NSD1: variants seen among roughly 807,000 people sequenced by gnomAD.
NSD1 encodes the protein nuclear receptor binding SET domain protein 1.
NSD1 carries 26 observed loss-of-function variants against 242.7 expected under a neutral mutation model. That is an observed-to-expected ratio of 0.11 (90% CI 0.08 to 0.15). The LOEUF is 0.15. Ranked by LOEUF, NSD1 falls within the 10% of genes least tolerant of loss-of-function variation. The pLI, the probability that NSD1 is intolerant of heterozygous loss-of-function variation, is 1.00. For synonymous variants in NSD1, 1,106 were observed against 1,178.1 expected (o/e 0.94, Z 1.25); for missense variants, 2,495 against 3,272.8 (o/e 0.76, Z 5.80).
At chr5:177,154,004 T>G (rs1757929227) in intron 2 of NSD1, among the ~76,000 whole-genome samples, 1 of 152,108 alleles carries the variant, frequency 6.6e-6, no homozygotes, top group African/African-American at 2.4e-5. Context: ...TGGATGGTGC[T>G]GGCTCAGTCT....
rs534363972 is a variant in NSD1 at position 177,275,065 on chromosome 5, C to T, written c.5622+1281C>T. ...TTCCAAAGACTGATAATCTGAGATG[C>T]TACTTGGAGACTAATTTGACCACCA... On this transcript the variant is annotated intron_variant, in intron 17 of 22. Transcript: ENST00000439151. Among the ~76,000 whole-genome samples the T allele has an allele frequency of 7.9e-4, 120 of 151,150 alleles. 1 individual carries two copies. The East Asian group carries it at 0.01, about 13-fold the overall frequency.
chr5:177,159,348 T>C (rs1475241449), intron 2 of NSD1, among the ~76,000 whole-genome samples: 1 of 149,892 alleles, frequency 6.7e-6, no homozygotes, highest in African/African-American at 2.5e-5. Context: ...GCGGTGGCAG[T>C]ATCTTGGCTC....
chr5:177,185,860 T>TATATATTTATATAATTAATATATATA (rs1491360481), intron 2 of NSD1, among the ~76,000 whole-genome samples: 3 of 87,064 alleles, frequency 3.4e-5, no homozygotes, highest in African/African-American at 5.0e-5. Context: ...TATTATATAT[T>TATATATTTATATAATTAATATATATA]ATATATTTAT....
rs756509852 is a variant in NSD1, at chr5:177,241,738, T to C, written c.4302+1873T>C. ...AAGTGTCCTCTTGTCTGTTTGGGAG[T>C]CTGTCCTGCCATCTGACCTGGCCTA... On this transcript the variant is annotated intron_variant, in intron 8 of 22. Transcript: ENST00000439151. Among the ~76,000 whole-genome samples, 3 of 152,010 alleles carry C rather than the reference T, an allele frequency of 2.0e-5. No homozygotes were observed. The East Asian group carries it at 5.8e-4, about 29-fold the overall frequency.
At chr5:177,293,723 C>G in intron 22 of NSD1, 109 bp from the exon 23 acceptor site, 1 of 1,187,284 alleles carries the variant, frequency 8.4e-7, no homozygotes, top group Admixed American at 1.8e-5. Context: ...GAAGCAGGGA[C>G]AGTGTGAAGG....
At chr5:177,181,062 G>A (rs1458428559) in intron 2 of NSD1, among the ~76,000 whole-genome samples, 1 of 148,048 alleles carries the variant, frequency 6.8e-6, no homozygotes, top group African/African-American at 2.5e-5. Context: ...TTTTTGAGAT[G>A]GAGTCTCCCT....
intron 11 of NSD1, among the ~76,000 whole-genome samples, chr5:177,251,035 C>CA (rs1361371851): frequency 3.3e-5 from 5 of 152,044 alleles, no homozygotes; most frequent in Non-Finnish European, 7.4e-5. Context: ...ACTAGAAATA[C>CA]AAAAATTAGC....
At chr5:177,187,100 C>CTTTT (rs11285630) in intron 2 of NSD1, among the ~76,000 whole-genome samples, 2 of 76,516 alleles carry the variant, frequency 2.6e-5, no homozygotes, top group African/African-American at 1.2e-4. Context: ...TGTGACTTAA[C>CTTTT]TTTTTTTTTT....
At chr5:177,256,350 C>G (rs1302806747) in intron 12 of NSD1, among the ~76,000 whole-genome samples, 1 of 139,762 alleles carries the variant, frequency 7.2e-6, no homozygotes, top group East Asian at 2.2e-4. Flanking sequence ...CTGGTGTGAT[C>G]TCAGCTCAGT....
At chr5:177,261,465 C>T (rs1291441837) in intron 14 of NSD1, among the ~76,000 whole-genome samples, 1 of 151,968 alleles carries the variant, frequency 6.6e-6, no homozygotes, top group Non-Finnish European at 1.5e-5. Context: ...CTTATCATCC[C>T]TGACAACTTG....
intron 3 of NSD1, among the ~76,000 whole-genome samples, chr5:177,196,583 A>G (rs1215890961): frequency 6.6e-6 from 1 of 152,222 alleles, no homozygotes; most frequent in Non-Finnish European, 1.5e-5. Flanking sequence ...TCATCACTGG[A>G]TGGCTGAATA....
rs1760474786 is a variant in NSD1, at chr5:177,299,741, G to A, written c.*4282G>A. 3 of 233,222 alleles carry A rather than the reference G, an allele frequency of 1.3e-5. No homozygotes were observed. Among genetic ancestry groups the A allele is most frequent in the Admixed American group, 5.6e-5 (1 of 17,778 alleles). 14.4% of individuals were successfully genotyped at this position (233,222 alleles called of 1,614,324 possible). On this transcript the variant is annotated 3_prime_UTR_variant, in exon 23 of 23. Coordinates refer to ENST00000439151, the MANE Select transcript of NSD1 (RefSeq NM_022455.5). ...ACATCAGGTTATTGTGGGGCTTCAGGTGTAAGGTCCTGGAAGTTCAGCAAA... is the reference window on the plus strand; with the variant it reads ...ACATCAGGTTATTGTGGGGCTTCAGATGTAAGGTCCTGGAAGTTCAGCAAA...
At chr5:177,202,228 T>TG (rs1431043030) in intron 3 of NSD1, among the ~76,000 whole-genome samples, 2 of 151,462 alleles carry the variant, frequency 1.3e-5, no homozygotes, top group Non-Finnish European at 2.9e-5. Context: ...TATAATTGAG[T>TG]GGTTTTTTTT....
rs2127281322 is a variant in NSD1, at chr5:177,294,472, C to T, written c.7104C>T (p.Ala2368=). The change falls in exon 23 of 23, where the codon GCC becomes GCT. Residue 2368 remains alanine, a synonymous_variant. Coordinates refer to ENST00000439151, the MANE Select transcript of NSD1 (RefSeq NM_022455.5). ...DPRLDKSIGA[A]SPRPQSLEKT... ...GGCTGGATAAATCCATAGGTGCTGC[C>T]AGCCCAAGGCCCCAGTCACTGGAGA... is the stretch of plus-strand genomic sequence containing the variant. The T allele has an allele frequency of 6.2e-7, 1 of 1,614,190 alleles. No individual in the cohort carries two copies. The highest frequency in any genetic ancestry group is 8.5e-7 in the Non-Finnish European group (1 of 1,180,046).
At position 177,280,200 on chromosome 5, in the gene NSD1, ATCTCCTGACCTCGTAATCCACCTGC is replaced by A. The variant is rs1435172990; in HGVS notation, c.5623-364_5623-340del. ...CACCGTGTTAGCCAGGATGGTCTCA[ATCTCCTGACCTCGTAATCCACCTGC>A]CTCGGCCTCCCAAAGTGCTGGGATT... On this transcript the variant is annotated intron_variant, in intron 17 of 22. Coordinates refer to ENST00000439151, the MANE Select transcript of NSD1 (RefSeq NM_022455.5). 2.6e-5 allele frequency among the ~76,000 whole-genome samples: 4 copies of A among 150,972 alleles called. No individual in the cohort carries two copies. In the East Asian group the frequency reaches 5.9e-4, roughly 22 times the overall value.
At chr5:177,243,703 T>C (rs1766065456) in intron 8 of NSD1, among the ~76,000 whole-genome samples, 1 of 152,062 alleles carries the variant, frequency 6.6e-6, no homozygotes, top group South Asian at 2.1e-4. Context: ...TGTTTTTGTT[T>C]TGTTTTAAGA....
Position 177,299,467 on chromosome 5 carries a change from G to A in NSD1, c.*4008G>A, listed in dbSNP as rs963919606. The stretch of plus-strand genomic sequence containing the variant: ...CACCTTGTCCATAGCCTCCGTCCAC[G>A]CTGCCTGGAGCAGGTTGTTAGAGAG... On this transcript the variant is annotated 3_prime_UTR_variant, in exon 23 of 23. Transcript: ENST00000439151. 3.0e-5 allele frequency: 7 copies of A among 233,100 alleles called. No homozygotes were observed. The highest frequency in any genetic ancestry group is 8.8e-5 in the African/African-American group (4 of 45,324). 14.4% of individuals were successfully genotyped at this position (233,100 alleles called of 1,614,324 possible).
intron 10 of NSD1, among the ~76,000 whole-genome samples, chr5:177,247,410 G>T (rs1214780954): frequency 6.6e-6 from 1 of 152,092 alleles, no homozygotes; most frequent in African/African-American, 2.4e-5. Context: ...CTGGGTGACA[G>T]AATGAGACTC....
At chr5:177,186,046 T>C (rs1237984394) in intron 2 of NSD1, among the ~76,000 whole-genome samples, 3 of 106,604 alleles carry the variant, frequency 2.8e-5, no homozygotes, top group Non-Finnish European at 5.3e-5. Context: ...ATATATATAA[T>C]ATATAATATA....
Sources: gnomAD v4.1 joint callset for allele counts (sites outside exome capture counted in the v4.1 genomes callset) on GRCh38, gnomAD v4.1.1 for gene constraint, MANE v1.5 for transcripts, NCBI Gene and HGNC (gene_info 2026-07-23, HGNC 2026-07-21) for gene names.